The following ACAD10 variants were observed in gnomAD, a reference collection of about 807,000 sequenced individuals.
ACAD10 encodes the protein acyl-CoA dehydrogenase family member 10, also known as ACAD-10.
A neutral mutation model predicts 116.8 loss-of-function variants in ACAD10; 112 were observed. The ratio of observed to expected loss-of-function variants is 0.96; its 90% confidence interval spans 0.82 to 1.12. The LOEUF is 1.12. Ranked by LOEUF, ACAD10 falls within the 50% of genes most tolerant of loss-of-function variation. The pLI is 0.00. For missense variants in ACAD10, 1,259 were observed against 1,350.2 expected, an observed-to-expected ratio of 0.93 and a Z score of 1.06; for synonymous variants, 486 against 510.6, an observed-to-expected ratio of 0.95 and a Z score of 0.65.
chr12:111,729,436 G>A (rs1452526153), intron 9 of ACAD10, among the ~76,000 whole-genome samples: 1 of 152,010 alleles, frequency 6.6e-6, no homozygotes, highest in African/African-American at 2.4e-5. Context: ...ATGCGCTTTC[G>A]CCATGTTGGA....
intron 8 of ACAD10, among the ~76,000 whole-genome samples, chr12:111,724,832 G>A (rs1427114744): frequency 2.0e-5 from 3 of 150,508 alleles, no homozygotes; most frequent in African/African-American, 4.9e-5. Flanking sequence ...GGGAGACCGT[G>A]GAAAGAGAGG....
At chr12:111,738,973 T>C (rs1331292428) in intron 12 of ACAD10, among the ~76,000 whole-genome samples, 1 of 137,166 alleles carries the variant, frequency 7.3e-6, no homozygotes, top group East Asian at 2.2e-4. Context: ...AAGCAACTTA[T>C]TATTCTGAAA....
chr12:111,753,959 TTCC>T (rs781531619), intron 19 of ACAD10, 44 bp downstream of exon 19: 14 of 1,555,838 alleles, frequency 9.0e-6, no homozygotes, highest in Non-Finnish European at 2.6e-6. Context: ...GCAGAGATTC[TTCC>T]TCCTCACTCA....
At chr12:111,752,157 C>T (rs749754905) in intron 18 of ACAD10, among the ~76,000 whole-genome samples, 1 of 150,184 alleles carries the variant, frequency 6.7e-6, no homozygotes, top group East Asian at 1.9e-4. Flanking sequence ...CCTGGGAGGT[C>T]GAGGCTGCAG....
At chr12:111,720,028 T>C (rs1370638157) in intron 7 of ACAD10, among the ~76,000 whole-genome samples, 1 of 152,068 alleles carries the variant, frequency 6.6e-6, no homozygotes, top group Non-Finnish European at 1.5e-5. Flanking sequence ...AGCCTGGCCC[T>C]AATTTTTGTA....
rs1332768204 is a variant in ACAD10 at position 111,744,832 on chromosome 12, G to T, written c.1904G>T (p.Ser635Ile). ...QSQWCPTGSR[S>I]YSSVPEASPA... ...CAGTGGTGCCCCACAGGCAGCAGGAGTTATAGCTCCGTTCCAGAAGCTTCC... is the reference window on the plus strand; with the variant it reads ...CAGTGGTGCCCCACAGGCAGCAGGATTTATAGCTCCGTTCCAGAAGCTTCC... The change falls in exon 13 of 21, where the codon AGT becomes ATT. Residue 635 changes from serine to isoleucine, a missense_variant. Coordinates refer to ENST00000313698, the MANE Select transcript of ACAD10 (RefSeq NM_025247.6). 1 of 1,614,240 alleles carries T rather than the reference G, an allele frequency of 6.2e-7. No individual in the cohort carries two copies. The highest frequency in any genetic ancestry group is 8.5e-7 in the Non-Finnish European group (1 of 1,180,050).
intron 8 of ACAD10, among the ~76,000 whole-genome samples, chr12:111,727,076 A>G (rs1312418725): frequency 6.6e-6 from 1 of 151,718 alleles, no homozygotes; most frequent in Non-Finnish European, 1.5e-5. Flanking sequence ...AAATACAAAA[A>G]TTAGTCAGGC....
At position 111,748,495 on chromosome 12, in the gene ACAD10, G is replaced by A. The variant is rs367914946; in HGVS notation, c.2644+20G>A. The A allele has an allele frequency of 2.2e-5, 35 of 1,612,060 alleles. No homozygotes were observed. The highest frequency in any genetic ancestry group is 2.9e-5 in the Non-Finnish European group (34 of 1,179,718). On this transcript the variant is annotated intron_variant, in intron 17 of 20. Coordinates refer to ENST00000313698, the MANE Select transcript of ACAD10 (RefSeq NM_025247.6). ...CACCAGGTGAGACCTCCAGGGGCGGGTCACCCCTGGGTGTGGGTCTGGTCC... is the reference window on the plus strand; with the variant it reads ...CACCAGGTGAGACCTCCAGGGGCGGATCACCCCTGGGTGTGGGTCTGGTCC...
intron 7 of ACAD10, among the ~76,000 whole-genome samples, chr12:111,717,814 A>G (rs937295690): frequency 5.3e-5 from 8 of 151,884 alleles, no homozygotes; most frequent in Non-Finnish European, 7.4e-5. Context: ...CTCCCAAAGT[A>G]TTGGGGATTA....
At chr12:111,711,996 A>G (rs1473907194) in intron 5 of ACAD10, among the ~76,000 whole-genome samples, 2 of 152,180 alleles carry the variant, frequency 1.3e-5, no homozygotes, top group African/African-American at 2.4e-5. Flanking sequence ...GCATTTTACA[A>G]GTTACTTCCT....
chr12:111,705,961 G>A (rs1273542747), intron 4 of ACAD10, 29 bp downstream of exon 4: 1 of 1,607,032 alleles, frequency 6.2e-7, no homozygotes, highest in Admixed American at 1.7e-5. Flanking sequence ...AAAACCATTG[G>A]AACAGAATCT....
intron 8 of ACAD10, among the ~76,000 whole-genome samples, chr12:111,726,847 C>T (rs375602735): frequency 2.6e-5 from 4 of 151,760 alleles, no homozygotes; most frequent in South Asian, 2.1e-4. Flanking sequence ...GGCAACAGAG[C>T]GAGACTCCAT....
chr12:111,698,069 A>G (rs1445626467), intron 2 of ACAD10, among the ~76,000 whole-genome samples: 2 of 146,190 alleles, frequency 1.4e-5, no homozygotes, highest in African/African-American at 5.1e-5. Flanking sequence ...ATCTCGGCTC[A>G]CTGTAACCTC....
chr12:111,696,600 T>C (rs1260564467), intron 2 of ACAD10, among the ~76,000 whole-genome samples: 1 of 152,202 alleles, frequency 6.6e-6, no homozygotes, highest in African/African-American at 2.4e-5. Flanking sequence ...CGTAATGCTT[T>C]CAAAGCCTAA....
intron 1 of ACAD10, among the ~76,000 whole-genome samples, chr12:111,688,495 T>TC (rs796143937): frequency 1.2e-4 from 19 of 152,156 alleles, no homozygotes; most frequent in African/African-American, 4.6e-4. Flanking sequence ...TTAACCCATT[T>TC]CCCATTTAGA....
intron 12 of ACAD10, among the ~76,000 whole-genome samples, chr12:111,743,813 C>T (rs111542174): frequency 4.6e-5 from 7 of 152,204 alleles, no homozygotes; most frequent in South Asian, 2.1e-4. Flanking sequence ...ATGGCACGAT[C>T]TCGGCTCACT....
intron 12 of ACAD10, among the ~76,000 whole-genome samples, chr12:111,740,782 CAAAAAAAAAAA>C (rs751899672): frequency 9.8e-5 from 5 of 51,092 alleles, no homozygotes; most frequent in Admixed American, 6.4e-4. Flanking sequence ...GACTCCATCT[CAAAAAAAAAAA>C]AAAAAAAAAG....
chr12:111,756,047 C>G, intron 20 of ACAD10: 1 of 1,086,272 alleles, frequency 9.2e-7, no homozygotes, highest in Non-Finnish European at 1.3e-6. Context: ...GCCCAGAGCC[C>G]AGGCTCTTTC....
rs759169305 is a variant in ACAD10 at position 111,747,393 on chromosome 12, G to C, written c.2485+8G>C. 3 of 1,614,002 alleles carry C rather than the reference G, an allele frequency of 1.9e-6. No individual in the cohort carries two copies. On this transcript the variant is annotated splice_region_variant and intron_variant, in intron 16 of 20. Transcript: ENST00000313698. ...ACAAATGGTGGATCACAGGTATTTG[G>C]CCTAAAATGCACTTTCCAAATGCAC...
Sources: gnomAD v4.1 joint callset for allele counts (sites outside exome capture counted in the v4.1 genomes callset) on GRCh38, gnomAD v4.1.1 for gene constraint, MANE v1.5 for transcripts, NCBI Gene and HGNC (gene_info 2026-07-23, HGNC 2026-07-21) for gene names.